The following CELF1 variants were observed in gnomAD, a reference collection of about 807,000 sequenced individuals.
CELF1 encodes 50 kDa nuclear polyadenylated RNA-binding protein.
In CELF1, 10 loss-of-function variants were observed where a neutral mutation model predicts 61.8. That is an observed-to-expected ratio of 0.16 (90% CI 0.10 to 0.27). The LOEUF is 0.27. Among genes scored for constraint, CELF1 ranks in the 10% least tolerant of loss-of-function variants. The pLI is 1.00. For missense variants in CELF1, 380 were observed against 639.1 expected (o/e 0.59, Z 4.37); for synonymous variants, 236 against 225.1 (o/e 1.05, Z -0.43).
rs111727159 is a variant in CELF1 at position 47,548,518 on chromosome 11, T to G, written c.-154+4474A>C. On this transcript the variant is annotated intron_variant, in intron 1 of 14. Coordinates refer to ENST00000687097, the MANE Select transcript of CELF1 (RefSeq NM_001376376.1). ...TACAATCGACAAAGTGAAAGACAAA[T>G]TACAGAATGGGAGAAAATATCTGCA... 6.9e-3 allele frequency among the ~76,000 whole-genome samples: 1,050 copies of G among 152,162 alleles called. 15 individuals carry two copies. The highest frequency in any genetic ancestry group is 0.023 in the African/African-American group (973 of 41,506).
At chr11:47,516,382 A>C (rs905053039) in intron 1 of CELF1, among the ~76,000 whole-genome samples, 1 of 152,154 alleles carries the variant, frequency 6.6e-6, no homozygotes, top group African/African-American at 2.4e-5. Flanking sequence ...GTTTAAAAGG[A>C]AGGCGAGCAG....
At chr11:47,541,495 A>T (rs1189655051) in intron 1 of CELF1, among the ~76,000 whole-genome samples, 3 of 151,988 alleles carry the variant, frequency 2.0e-5, no homozygotes, top group African/African-American at 2.4e-5. Context: ...GTTTGAGACC[A>T]GCCTGGCCAA....
intron 1 of CELF1, among the ~76,000 whole-genome samples, chr11:47,551,821 C>T (rs2097144802): frequency 6.6e-6 from 1 of 152,138 alleles, no homozygotes; most frequent in African/African-American, 2.4e-5. Flanking sequence ...CGAGACCATC[C>T]AGCCTGATCA....
chr11:47,474,608 T>A (rs1181397373), intron 13 of CELF1, among the ~76,000 whole-genome samples: 2 of 152,232 alleles, frequency 1.3e-5, no homozygotes, highest in Non-Finnish European at 1.5e-5. Context: ...CTAGGGGATA[T>A]AAGTGATTCA....
intron 1 of CELF1, among the ~76,000 whole-genome samples, chr11:47,527,545 C>A (rs1011423182): frequency 2.0e-5 from 3 of 152,046 alleles, no homozygotes; most frequent in African/African-American, 7.2e-5. Context: ...GCAACACAGA[C>A]CCTGTCTCTA....
intron 1 of CELF1, among the ~76,000 whole-genome samples, chr11:47,520,387 C>T (rs1053547783): frequency 2.6e-5 from 4 of 152,224 alleles, no homozygotes; most frequent in Non-Finnish European, 4.4e-5. Context: ...TTTGAACAGA[C>T]TTCTCTGTGT....
chr11:47,516,855 A>C (rs947387449), intron 1 of CELF1, among the ~76,000 whole-genome samples: 3 of 152,072 alleles, frequency 2.0e-5, no homozygotes, highest in African/African-American at 7.2e-5. Flanking sequence ...CACTTGCCTC[A>C]GTGTCCCCAA....
chr11:47,488,780 C>T (rs1157628207), intron 4 of CELF1, 57 bp downstream of exon 4: 13 of 1,333,674 alleles, frequency 9.7e-6, no homozygotes, highest in South Asian at 4.3e-5. Context: ...CCAAAGCCCT[C>T]ACCTGCTCTG....
In CELF1 at chr11:47,483,383, G is replaced by C. The variant is rs11607518; in HGVS notation, c.606+70C>G. 2.5e-6 allele frequency: 3 copies of C among 1,204,956 alleles called. No homozygotes were observed. In the Admixed American group the frequency reaches 5.1e-5, roughly 20 times the overall value. 74.6% of individuals were successfully genotyped at this position (1,204,956 alleles called of 1,614,324 possible). ...CAATCAGATGCTGCACATGCTGCTG[G>C]ACTTTAATGGCCAACTGTCCCAGCA... is the stretch of plus-strand genomic sequence containing the variant. On this transcript the variant is annotated intron_variant, in intron 8 of 14. Coordinates refer to ENST00000687097, the MANE Select transcript of CELF1 (RefSeq NM_001376376.1).
chr11:47,551,804 A>C (rs140183429), intron 1 of CELF1, among the ~76,000 whole-genome samples: 1 of 152,164 alleles, frequency 6.6e-6, no homozygotes, highest in African/African-American at 2.4e-5. Flanking sequence ...ACCCGAGGTC[A>C]GGAGTTCGAG....
At chr11:47,493,489 C>G (rs2092347781) in intron 3 of CELF1, among the ~76,000 whole-genome samples, 1 of 122,010 alleles carries the variant, frequency 8.2e-6, no homozygotes, top group African/African-American at 3.2e-5. Context: ...GCCTGGGCGA[C>G]AGAGCAAGAC....
intron 1 of CELF1, among the ~76,000 whole-genome samples, chr11:47,546,983 C>T (rs2096968942): frequency 1.4e-5 from 2 of 139,152 alleles, no homozygotes; most frequent in Admixed American, 1.6e-4. Flanking sequence ...AGGAGAATCA[C>T]TTGAACCCGG....
Position 47,476,912 on chromosome 11 carries a change from C to A in CELF1, c.1021G>T (p.Ala341Ser). The A allele has an allele frequency of 1.2e-6, 2 of 1,614,182 alleles. No homozygotes were observed. The highest frequency in any genetic ancestry group is 1.7e-6 in the Non-Finnish European group (2 of 1,180,028). Residue 341 changes from alanine to serine, a missense_variant, in exon 12 of 15, where the codon GCC (alanine) becomes TCC (serine). Coordinates refer to ENST00000687097, the MANE Select transcript of CELF1 (RefSeq NM_001376376.1). ...SSSSNSVNPI[A>S]SLGALQTLAG... ...AATGTCTGCAGGGCTCCAAGTGAGG[C>A]TATGGGGTTGACAGAATTACTGCTG...
At chr11:47,505,160 G>C (rs1223792456) in intron 1 of CELF1, among the ~76,000 whole-genome samples, 1 of 151,102 alleles carries the variant, frequency 6.6e-6, no homozygotes, top group Non-Finnish European at 1.5e-5. Flanking sequence ...TAGCCTCAGA[G>C]CCTTCCTTGG....
intron 3 of CELF1, among the ~76,000 whole-genome samples, chr11:47,495,171 A>G (rs1343603762): frequency 6.6e-6 from 1 of 152,256 alleles, no homozygotes; most frequent in Non-Finnish European, 1.5e-5. Context: ...AAAAGTTGCA[A>G]CTAGAGATAG....
At chr11:47,482,272 C>T (rs760318218) in intron 9 of CELF1, among the ~76,000 whole-genome samples, 3 of 152,072 alleles carry the variant, frequency 2.0e-5, no homozygotes, top group East Asian at 3.9e-4. Flanking sequence ...CTCTCAAGTC[C>T]GCTGAAAGAA....
chr11:47,512,375 G>A (rs1324123930), intron 1 of CELF1, among the ~76,000 whole-genome samples: 2 of 150,730 alleles, frequency 1.3e-5, no homozygotes, highest in Non-Finnish European at 2.9e-5. Context: ...GGATAGTCCT[G>A]ATCTCCTGAC....
chr11:47,542,290 C>A (rs1467593509), intron 1 of CELF1, among the ~76,000 whole-genome samples: 1 of 152,132 alleles, frequency 6.6e-6, no homozygotes, highest in Non-Finnish European at 1.5e-5. Context: ...ATCGCTTCAA[C>A]CCGGGAGGCG....
intron 1 of CELF1, among the ~76,000 whole-genome samples, chr11:47,552,695 TAG>T (rs2097172348): frequency 2.0e-5 from 3 of 152,114 alleles, no homozygotes; most frequent in South Asian, 4.1e-4. Context: ...CCTCTGAGCC[TAG>T]AGAGTGAAGG....
Sources: gnomAD v4.1 joint callset for allele counts (sites outside exome capture counted in the v4.1 genomes callset) on GRCh38, gnomAD v4.1.1 for gene constraint, MANE v1.5 for transcripts, NCBI Gene and HGNC (gene_info 2026-07-23, HGNC 2026-07-21) for gene names.